The following EP400 variants were observed in gnomAD, a reference collection of about 807,000 sequenced individuals.
EP400 encodes the protein E1A binding protein p400, also known as E1A-binding protein p400.
A neutral mutation model predicts 354.1 loss-of-function variants in EP400; 105 were observed. The ratio of observed to expected loss-of-function variants is 0.30; its 90% CI spans 0.25 to 0.35. EP400 has a LOEUF of 0.35. Ranked by LOEUF, EP400 falls within the 10% of genes least tolerant of loss-of-function variation. The probability of loss-of-function intolerance (pLI) is 1.00; values close to 1 mark genes in which losing one functional copy is unlikely to be tolerated. For synonymous variants in EP400, 1,646 were observed against 1,716.9 expected, an observed-to-expected ratio of 0.96 and a Z score of 1.02; for missense variants, 3,280 against 4,121.0, an observed-to-expected ratio of 0.80 and a Z score of 5.59.
intron 1 of EP400, among the ~76,000 whole-genome samples, chr12:131,954,726 GAA>G (rs35935376): frequency 4.8e-5 from 4 of 83,734 alleles, no homozygotes; most frequent in African/African-American, 9.9e-5. Flanking sequence ...CTCCATCTCA[GAA>G]AAAAAAAAAA....
At chr12:132,032,443 C>G (rs574958811) in intron 30 of EP400, among the ~76,000 whole-genome samples, 2 of 152,190 alleles carry the variant, frequency 1.3e-5, no homozygotes, top group East Asian at 3.8e-4. Flanking sequence ...TGATGCTGCT[C>G]ACACAAGTCA....
At chr12:132,031,359 T>G in intron 29 of EP400, 1 of 519,158 alleles carries the variant, frequency 1.9e-6, no homozygotes, top group South Asian at 1.4e-5. Flanking sequence ...GAGCTGACAG[T>G]AAATGCAAGG....
chr12:132,007,700 C>T (rs931306646), intron 15 of EP400, among the ~76,000 whole-genome samples: 1 of 152,218 alleles, frequency 6.6e-6, no homozygotes, highest in Middle Eastern at 3.2e-3. Flanking sequence ...ATGTTCCAGA[C>T]TTAAAGTAGG....
At chr12:131,991,288 C>A in intron 9 of EP400, 119 bp from the exon 10 acceptor site, 2 of 920,316 alleles carry the variant, frequency 2.2e-6, no homozygotes, top group Non-Finnish European at 3.6e-6. Flanking sequence ...AGGCAGAACT[C>A]ACGCGTCCTT....
intron 2 of EP400, among the ~76,000 whole-genome samples, chr12:131,978,427 A>G (rs1892555757): frequency 6.6e-6 from 1 of 152,096 alleles, no homozygotes; most frequent in Admixed American, 6.6e-5. Context: ...GCAACCACTC[A>G]TCTTTTTGTC....
chr12:131,953,508 G>T (rs1365242430), intron 1 of EP400, among the ~76,000 whole-genome samples: 2 of 152,194 alleles, frequency 1.3e-5, no homozygotes, highest in Non-Finnish European at 2.9e-5. Context: ...AGGCTTTCCT[G>T]TTGATCCACC....
At chr12:131,987,050 GA>G in intron 6 of EP400, among the ~76,000 whole-genome samples, 1 of 152,306 alleles carries the variant, frequency 6.6e-6, no homozygotes, top group East Asian at 1.9e-4. Context: ...GGCAGTAGAC[GA>G]GGGTGGGAGA....
At chr12:131,964,334 G>C (rs988572127) in intron 2 of EP400, among the ~76,000 whole-genome samples, 1 of 152,166 alleles carries the variant, frequency 6.6e-6, no homozygotes, top group African/African-American at 2.4e-5. Context: ...GGGCATGGTG[G>C]TGCATGCCTA....
chr12:132,070,653 C>A lies in EP400; in HGVS notation c.9021+1012C>A, dbSNP rs1314139472. Among the ~76,000 whole-genome samples, 1 of 152,220 alleles carries A rather than the reference C, an allele frequency of 6.6e-6. No individual in the cohort carries two copies. Among genetic ancestry groups the A allele is most frequent in the African/African-American group, 2.4e-5 (1 of 41,458 alleles). On this transcript the variant is annotated intron_variant, in intron 51 of 52. Coordinates refer to ENST00000389561, the MANE Select transcript of EP400 (RefSeq NM_015409.5). The surrounding 1 kb of genome is among the most constrained non-coding windows in gnomAD (Gnocchi z 4.1). ...GAATTGCATTGATTCTGTAGCTGTT[C>A]AGGGGAGAGTTGACATCTTTACAGT...
rs766086232 is a variant in EP400 at position 132,054,780 on chromosome 12, TA to T, written c.7729-193del. Among the ~76,000 whole-genome samples, 1 of 148,042 alleles carries T rather than the reference TA, an allele frequency of 6.8e-6. No individual in the cohort carries two copies. On this transcript the variant is annotated intron_variant, in intron 43 of 52. Coordinates refer to ENST00000389561, the MANE Select transcript of EP400 (RefSeq NM_015409.5). The surrounding 1 kb of genome is among the most constrained non-coding windows in gnomAD (Gnocchi z 4.0). The stretch of plus-strand genomic sequence containing the variant: ...TCCCTGGGGTGGAGGGACAATGGGA[TA>T]GGGGTGGAGGGACAGCAGGTAGACA...
intron 16 of EP400, 148 bp from the exon 17 acceptor site, chr12:132,012,861 G>A (rs769021614): frequency 6.0e-5 from 46 of 768,674 alleles, no homozygotes; most frequent in East Asian, 4.0e-4. Flanking sequence ...TTTTCTGTGC[G>A]GTAATAGCAA....
rs1350364897 is a variant in EP400, at chr12:132,021,241, A to C, written c.4610A>C (p.Gln1537Pro). 6.4e-7 allele frequency: 1 copy of C among 1,555,934 alleles called. No individual in the cohort carries two copies. The highest frequency in any genetic ancestry group is 1.4e-5 in the African/African-American group (1 of 73,756). ...CCAGGCCAGCCCCCGCCCCAGCCCC[A>C]GGCCCCCTCGCACGCGGCCGGGCAG... ...STPGQPPPQP[Q>P]APSHAAGQSA... The change falls in exon 23 of 53, where the codon CAG becomes CCG. Residue 1537 changes from glutamine (Q) to proline (P), a missense_variant. By Grantham distance (76) the Gln-to-Pro change is moderately conservative. Around this residue, in one of 20 missense-constraint regions of EP400, gnomAD observed 342 missense variants for 342.7 expected, o/e 1.00. Transcript: ENST00000389561.
chr12:132,065,106 C>A, intron 48 of EP400: 1 of 809,588 alleles, frequency 1.2e-6, no homozygotes, highest in Non-Finnish European at 1.9e-6. Flanking sequence ...CATCACCAAG[C>A]TTCTCAGGGC....
At chr12:132,007,867 C>T (rs537936581) in intron 15 of EP400, among the ~76,000 whole-genome samples, 1 of 152,206 alleles carries the variant, frequency 6.6e-6, no homozygotes, top group South Asian at 2.1e-4. Flanking sequence ...AAATGGAACA[C>T]AGTGGGCTTG....
At chr12:132,051,010 C>A (rs1565929230) in intron 41 of EP400, 6 of 393,940 alleles carry the variant, frequency 1.5e-5, no homozygotes, top group Non-Finnish European at 2.8e-5. Flanking sequence ...ATCTTAAGAA[C>A]ACACCACATT....
In EP400 at chr12:132,045,497, C is replaced by T. The variant is rs761771367; in HGVS notation, c.6963C>T (p.Pro2321=). ...FAKPLPTFAK[P]TAEPGQDNPE... ...AGCCCCTGCCAACTTTTGCCAAACC[C>T]ACAGCTGAGCCTGGTCAAGACAACC... The change falls in exon 38 of 53, where the codon CCC becomes CCT. Residue 2321 remains proline (P), a synonymous_variant. Transcript: ENST00000389561. The T allele has an allele frequency of 1.2e-6, 2 of 1,614,206 alleles. No homozygotes were observed. The highest frequency in any genetic ancestry group is 4.5e-5 in the East Asian group (2 of 44,880).
In EP400 at chr12:131,990,006, C is replaced by T. The variant is rs146333218; in HGVS notation, c.2452C>T (p.Arg818Cys). ...GCGCCATCACGAGGAGAAGCAGCTC[C>T]GTGAAGAAAGGGGGAAGAAGGAAGA... ...VVRHHEEKQL[R>C]EERGKKEEQS... Residue 818 changes from arginine (R) to cysteine (C), a missense_variant, in exon 8 of 53, where the codon CGT becomes TGT. Arg to Cys is a radical substitution (Grantham distance 180). Transcript: ENST00000389561. The surrounding 1 kb of genome is among the most constrained non-coding windows in gnomAD (Gnocchi z 4.2). 1.3e-4 allele frequency: 203 copies of T among 1,613,542 alleles called. No individual in the cohort carries two copies. The highest frequency in any genetic ancestry group is 1.7e-4 in the Middle Eastern group (1 of 6,060).
At chr12:131,978,592 A>G (rs1348076630) in intron 2 of EP400, among the ~76,000 whole-genome samples, 7 of 152,168 alleles carry the variant, frequency 4.6e-5, no homozygotes, top group African/African-American at 1.2e-4. Context: ...GCACAGTCCT[A>G]GATCACTGCA....
In EP400 at chr12:131,982,699, G is replaced by A. The variant is rs185452079; in HGVS notation, c.1929+221G>A. Among the ~76,000 whole-genome samples, 122 of 152,300 alleles carry A rather than the reference G, an allele frequency of 8.0e-4. 1 individual carries two copies. The highest frequency in any genetic ancestry group is 1.4e-3 in the Non-Finnish European group (94 of 68,030). On this transcript the variant is annotated intron_variant, in intron 5 of 52. Transcript: ENST00000389561. ...AGTAATAGAGAACTGGGCTGGGTTT[G>A]GTGACTCACGCCTGTAATCCCAGCC...
Sources: gnomAD v4.1 joint callset for allele counts (sites outside exome capture counted in the v4.1 genomes callset) on GRCh38, gnomAD v4.1.1 for gene constraint, gnomAD v4.1.1 regional missense constraint, Gnocchi (gnomAD v3.1) non-coding constraint, MANE v1.5 for transcripts, NCBI Gene and HGNC (gene_info 2026-07-23, HGNC 2026-07-21) for gene names.